The following TMEM9B variants were observed in gnomAD, a reference collection of about 807,000 sequenced individuals.
TMEM9B encodes the protein transmembrane protein 9B.
TMEM9B carries 8 observed loss-of-function variants against 23.5 expected under a neutral mutation model. The ratio of observed to expected loss-of-function variants is 0.34; its 90% CI spans 0.20 to 0.61. The LOEUF (loss-of-function observed/expected upper bound fraction) is 0.61. Ranked by LOEUF, TMEM9B falls within the 20% of genes least tolerant of loss-of-function variation. The pLI, the probability that TMEM9B is intolerant of heterozygous loss-of-function variation, is 0.78. For synonymous variants in TMEM9B, 106 were observed against 96.3 expected (o/e 1.10, Z -0.59); for missense variants, 197 against 252.3 (o/e 0.78, Z 1.49).
intron 4 of TMEM9B, chr11:8,952,741 A>G: frequency 5.1e-6 from 1 of 195,060 alleles, no homozygotes; most frequent in East Asian, 1.3e-4. Context: ...GTAGAAAAAA[A>G]GGAAATATAA....
intron 3 of TMEM9B, 44 bp downstream of exon 3, chr11:8,956,146 T>C (rs764790585): frequency 6.4e-7 from 1 of 1,573,534 alleles, no homozygotes; most frequent in Non-Finnish European, 8.7e-7. Flanking sequence ...AGAAAAGACG[T>C]AGACAGACAG....
chr11:8,956,560 G>A (rs887666133), intron 2 of TMEM9B, among the ~76,000 whole-genome samples: 3 of 151,902 alleles, frequency 2.0e-5, no homozygotes, highest in Admixed American at 1.3e-4. Flanking sequence ...TTACAAAAAC[G>A]CACACAAAAA....
chr11:8,952,279 C>CACATACAT (rs371219457), intron 4 of TMEM9B, among the ~76,000 whole-genome samples: 25 of 126,138 alleles, frequency 2.0e-4, no homozygotes, highest in Admixed American at 3.3e-4. Context: ...CACACACACA[C>CACATACAT]GCTATATATA....
chr11:8,948,270 T>C lies in TMEM9B; in HGVS notation c.*50A>G, dbSNP rs764583325. ...AACCCAGCAAAACCCAGTCAGTTCT[T>C]TCCAGTTGTCTGCCTGTTTCTTTCT... On this transcript the variant is annotated 3_prime_UTR_variant, in exon 5 of 5. Coordinates refer to ENST00000534025, the MANE Select transcript of TMEM9B (RefSeq NM_020644.3). 6.3e-7 allele frequency: 1 copy of C among 1,586,414 alleles called. No individual in the cohort carries two copies. The highest frequency in any genetic ancestry group is 8.6e-7 in the Non-Finnish European group (1 of 1,164,506).
intron 3 of TMEM9B, among the ~76,000 whole-genome samples, chr11:8,953,738 G>A (rs1853923639): frequency 6.6e-6 from 1 of 152,162 alleles, no homozygotes; most frequent in South Asian, 2.1e-4. Flanking sequence ...AAAGTACAGT[G>A]TGACACACCC....
intron 2 of TMEM9B, among the ~76,000 whole-genome samples, chr11:8,961,291 C>T (rs1854075626): frequency 6.6e-6 from 1 of 152,204 alleles, no homozygotes; most frequent in Non-Finnish European, 1.5e-5. Context: ...GCTATGAAAT[C>T]AGATACACGT....
rs1335076799 is a variant in TMEM9B, at chr11:8,956,138, A to G, written c.306+52T>C. 3.9e-6 allele frequency: 6 copies of G among 1,549,828 alleles called. No homozygotes were observed. In the Admixed American group the frequency reaches 1.1e-4, roughly 28 times the overall value. On this transcript the variant is annotated intron_variant, in intron 3 of 4. Transcript: ENST00000534025. ...TTGTCTAGAAACCATCCAGAAGCAGAAAAGACGTAGACAGACAGACAGACA... is the reference window on the plus strand; with the variant it reads ...TTGTCTAGAAACCATCCAGAAGCAGGAAAGACGTAGACAGACAGACAGACA...
In TMEM9B at chr11:8,964,369, G is replaced by T. The variant is rs115392921; in HGVS notation, c.-56C>A. 6.6e-7 allele frequency: 1 copy of T among 1,516,056 alleles called. No individual in the cohort carries two copies. Among genetic ancestry groups the T allele is most frequent in the South Asian group, 1.3e-5 (1 of 79,688 alleles). 93.9% of individuals were successfully genotyped at this position (1,516,056 alleles called of 1,614,324 possible). On this transcript the variant is annotated 5_prime_UTR_variant, in exon 1 of 5. Transcript: ENST00000534025. The stretch of plus-strand genomic sequence containing the variant: ...AGCCCCCGCGACCGGCTCCCGGCTC[G>T]GGCTCAGGCTCAGGCTCAGGCTCAG...
intron 2 of TMEM9B, among the ~76,000 whole-genome samples, chr11:8,961,387 A>G (rs115726219): frequency 3.5e-4 from 53 of 152,324 alleles, no homozygotes; most frequent in African/African-American, 1.3e-3. Context: ...AAACATCACA[A>G]TTCTATGGGA....
At chr11:8,959,700 A>C (rs748409365) in intron 2 of TMEM9B, among the ~76,000 whole-genome samples, 54 of 152,220 alleles carry the variant, frequency 3.5e-4, no homozygotes, top group Non-Finnish European at 2.4e-4. Flanking sequence ...CAGTCATTAC[A>C]AACAGAGCTA....
In TMEM9B at chr11:8,953,251, C is replaced by A. The variant is rs376348047; in HGVS notation, c.393G>T (p.Arg131Ser). 6.2e-7 allele frequency: 1 copy of A among 1,614,008 alleles called. No homozygotes were observed. Among genetic ancestry groups the A allele is most frequent in the Non-Finnish European group, 8.5e-7 (1 of 1,180,042 alleles). Reference protein sequence around the residue: ...YLTLVEPILKRRLFGHAQLIQ... With the variant: ...YLTLVEPILKSRLFGHAQLIQ... ...TCAACTGTGCATGTCCAAAGAGGCG[C>A]CTCTTCAGTATGGGCTCAACCAGAG... The change falls in exon 4 of 5, where the codon AGG becomes AGT. Residue 131 changes from arginine (R) to serine (S), a missense_variant. Transcript: ENST00000534025.
At chr11:8,961,483 G>A (rs1040351499) in intron 2 of TMEM9B, among the ~76,000 whole-genome samples, 6 of 152,202 alleles carry the variant, frequency 3.9e-5, no homozygotes, top group African/African-American at 1.4e-4. Context: ...AGGTCTGCTG[G>A]GATAAGCAGA....
At position 8,947,988 on chromosome 11, in the gene TMEM9B, G is replaced by T. The variant is rs1346760381; in HGVS notation, c.*332C>A. On this transcript the variant is annotated 3_prime_UTR_variant, in exon 5 of 5. Coordinates refer to ENST00000534025, the MANE Select transcript of TMEM9B (RefSeq NM_020644.3). ...CAACAAAAACCCTGAAAATTATCTT[G>T]AAAGTCAAGTTAAAACTATGTGGTG... is the stretch of plus-strand genomic sequence containing the variant. 1 of 172,024 alleles carries T rather than the reference G, an allele frequency of 5.8e-6. No homozygotes were observed. The highest frequency in any genetic ancestry group is 1.2e-5 in the Non-Finnish European group (1 of 81,062). 10.7% of individuals were successfully genotyped at this position (172,024 alleles called of 1,614,324 possible).
intron 4 of TMEM9B, among the ~76,000 whole-genome samples, chr11:8,950,715 T>C (rs1302478201): frequency 6.6e-6 from 1 of 152,212 alleles, no homozygotes; most frequent in Non-Finnish European, 1.5e-5. Flanking sequence ...TGTAATGCTT[T>C]GGTAATAACG....
intron 3 of TMEM9B, among the ~76,000 whole-genome samples, chr11:8,953,893 T>A (rs1213838944): frequency 6.6e-6 from 1 of 152,178 alleles, no homozygotes; most frequent in African/African-American, 2.4e-5. Flanking sequence ...AAGTTAAACA[T>A]AATTTTACCA....
chr11:8,953,391 C>T, intron 3 of TMEM9B, 54 bp from the exon 4 acceptor site: 1 of 1,581,402 alleles, frequency 6.3e-7, no homozygotes, highest in South Asian at 1.1e-5. Flanking sequence ...TAAATCAGAA[C>T]TTTGTATGAT....
At chr11:8,956,155 A>C in intron 3 of TMEM9B, 35 bp downstream of exon 3, 1 of 1,589,624 alleles carries the variant, frequency 6.3e-7, no homozygotes, top group Non-Finnish European at 8.6e-7. Context: ...GTAGACAGAC[A>C]GACAGACAGG....
intron 2 of TMEM9B, among the ~76,000 whole-genome samples, chr11:8,958,640 T>C (rs1207410869): frequency 6.6e-6 from 1 of 151,032 alleles, no homozygotes; most frequent in Non-Finnish European, 1.5e-5. Flanking sequence ...TGGTGTGATC[T>C]TCCTCAACAC....
chr11:8,948,635 AGAGT>A (rs1304548387), intron 4 of TMEM9B, among the ~76,000 whole-genome samples, 160 bp from the exon 5 acceptor site: 8 of 152,198 alleles, frequency 5.3e-5, no homozygotes, highest in African/African-American at 1.7e-4. Context: ...ACTACCAGAT[AGAGT>A]ATGAACTCAA....
Sources: gnomAD v4.1 joint callset for allele counts (sites outside exome capture counted in the v4.1 genomes callset) on GRCh38, gnomAD v4.1.1 for gene constraint, MANE v1.5 for transcripts, NCBI Gene and HGNC (gene_info 2026-07-23, HGNC 2026-07-21) for gene names.